Variants in ZNF618 observed in about 807,000 individuals in gnomAD.
ZNF618 encodes the protein zinc finger protein 618, also known as neural precursor cell expressed, developmentally down-regulated 10.
A neutral mutation model predicts 103.0 loss-of-function variants in ZNF618; 34 were observed. The ratio of observed to expected loss-of-function variants is 0.33; its 90% confidence interval spans 0.25 to 0.44. The LOEUF is 0.44. ZNF618 is among the 20% of genes least tolerant of loss of function. ZNF618 has a pLI of 1.00. For missense variants in ZNF618, 1,059 were observed against 1,295.4 expected (o/e 0.82, Z 2.80); for synonymous variants, 551 against 542.2 (o/e 1.02, Z -0.23).
chr9:113,971,955 G>A (rs1004829838), intron 2 of ZNF618, among the ~76,000 whole-genome samples: 2 of 152,180 alleles, frequency 1.3e-5, no homozygotes, highest in Middle Eastern at 3.2e-3. Context: ...GTGGCTTAAG[G>A]TGTAAAAACA....
At chr9:113,877,548 T>G (rs1828073385) in intron 1 of ZNF618, among the ~76,000 whole-genome samples, 1 of 152,072 alleles carries the variant, frequency 6.6e-6, no homozygotes, top group Admixed American at 6.5e-5. Context: ...AATTTTGCAT[T>G]TACATTTTAC....
intron 1 of ZNF618, among the ~76,000 whole-genome samples, chr9:113,899,544 C>T (rs1225367260): frequency 6.6e-6 from 1 of 152,154 alleles, no homozygotes; most frequent in Non-Finnish European, 1.5e-5. Flanking sequence ...ATCTTGGTTG[C>T]GCTCCTTAGG....
intron 3 of ZNF618, among the ~76,000 whole-genome samples, chr9:113,997,473 T>C (rs1401650035): frequency 6.6e-6 from 1 of 152,200 alleles, no homozygotes; most frequent in South Asian, 2.1e-4. Context: ...CTGACCGACC[T>C]CTGGTGCTAT....
intron 12 of ZNF618, 86 bp downstream of exon 12, chr9:114,032,814 G>C (rs1019448591): frequency 8.1e-7 from 1 of 1,236,918 alleles, no homozygotes; most frequent in Admixed American, 1.7e-5. Flanking sequence ...CATCCTGTGG[G>C]CTGGGGTCTT....
At chr9:113,979,554 A>G (rs1838793069) in intron 2 of ZNF618, among the ~76,000 whole-genome samples, 1 of 152,260 alleles carries the variant, frequency 6.6e-6, no homozygotes, top group African/African-American at 2.4e-5. Context: ...CTGAATATTC[A>G]GTGAAGCAGG....
At chr9:113,990,788 G>A (rs770985412) in intron 3 of ZNF618, among the ~76,000 whole-genome samples, 1 of 152,324 alleles carries the variant, frequency 6.6e-6, no homozygotes, top group South Asian at 2.1e-4. Flanking sequence ...TGACAGAATA[G>A]GGGTGAACCA....
chr9:114,035,342 G>A (rs1351439746), intron 12 of ZNF618: 2 of 791,352 alleles, frequency 2.5e-6, no homozygotes, highest in Non-Finnish European at 3.1e-6. Flanking sequence ...GATGGGCCTT[G>A]GGCTGCCCTC....
At chr9:114,000,265 A>G (rs145080662) in intron 4 of ZNF618, among the ~76,000 whole-genome samples, 8 of 152,224 alleles carry the variant, frequency 5.3e-5, no homozygotes, top group African/African-American at 1.4e-4. Context: ...GACCTCAGTC[A>G]TGAATTGTAG....
intron 3 of ZNF618, among the ~76,000 whole-genome samples, chr9:113,989,176 C>T (rs953474226): frequency 6.6e-6 from 1 of 152,174 alleles, no homozygotes; most frequent in Non-Finnish European, 1.5e-5. Context: ...CCCATGAGGC[C>T]CAACAAATAT....
intron 6 of ZNF618, among the ~76,000 whole-genome samples, chr9:114,007,105 A>G (rs1029889292): frequency 1.3e-5 from 2 of 152,202 alleles, no homozygotes; most frequent in African/African-American, 4.8e-5. Flanking sequence ...CATGAGCATC[A>G]AGAGGCAAGG....
chr9:113,975,053 C>T (rs1047011532), intron 2 of ZNF618, among the ~76,000 whole-genome samples: 3 of 152,158 alleles, frequency 2.0e-5, no homozygotes, highest in African/African-American at 7.2e-5. Context: ...ATTTTTATTA[C>T]TACCATGGTG....
intron 10 of ZNF618, among the ~76,000 whole-genome samples, chr9:114,026,826 C>A (rs181627083): frequency 6.6e-6 from 1 of 152,248 alleles, no homozygotes; most frequent in East Asian, 1.9e-4. Context: ...CCCCGTGAGA[C>A]TTGCTATGTG....
chr9:113,964,212 ACCTCAGCCTCCCCGAG>A (rs1382495396), intron 1 of ZNF618, among the ~76,000 whole-genome samples: 1 of 152,048 alleles, frequency 6.6e-6, no homozygotes, highest in Non-Finnish European at 1.5e-5. Context: ...TTGTGGCAGC[ACCTCAGCCTCCCCGAG>A]CCTCAGGCTC....
In ZNF618 at chr9:114,050,324, G is replaced by T. The variant is rs1445643596; in HGVS notation, c.*157G>T. 18 of 833,224 alleles carry T rather than the reference G, an allele frequency of 2.2e-5. No individual in the cohort carries two copies. Among genetic ancestry groups the T allele is most frequent in the African/African-American group, 3.4e-5 (2 of 58,366 alleles). The allele number at this position is 833,224 out of a possible 1,614,324, so 51.6% of individuals were successfully genotyped here. A position where few individuals can be genotyped will look rare whatever the true frequency, so the allele number is the denominator to read the frequency against. The stretch of plus-strand genomic sequence containing the variant: ...TTAAGTGCTTTTTTTATATGTGTGT[G>T]TGTGCGTGTATGTACACAGCCACAC... On this transcript the variant is annotated 3_prime_UTR_variant, in exon 15 of 15. Transcript: ENST00000374126.
In ZNF618 at chr9:114,035,231, A is replaced by G. The variant is rs76281117; in HGVS notation, c.1169-1069A>G. ...TGATTTCCAACCCTTTCCCTCTCCT[A>G]CAGAGTAAGTGATGGTCCCGTTGGG... On this transcript the variant is annotated intron_variant, in intron 12 of 14. Coordinates refer to ENST00000374126, the MANE Select transcript of ZNF618 (RefSeq NM_001318042.2). The G allele has an allele frequency of 1.4e-4, 141 of 985,922 alleles. No individual in the cohort carries two copies. In the East Asian group the frequency reaches 7.5e-3, roughly 52 times the overall value. 61.1% of individuals were successfully genotyped at this position (985,922 alleles called of 1,614,324 possible). A position where few individuals can be genotyped will look rare whatever the true frequency, so the allele number is the denominator to read the frequency against.
At chr9:113,983,133 C>T (rs1212433859) in intron 2 of ZNF618, among the ~76,000 whole-genome samples, 1 of 152,020 alleles carries the variant, frequency 6.6e-6, no homozygotes, top group Non-Finnish European at 1.5e-5. Context: ...TGCTTTTTCA[C>T]TAATATACCT....
Position 113,953,014 on chromosome 9 carries a change from A to G in ZNF618, c.34-16103A>G, listed in dbSNP as rs146369069. Reference sequence around the variant, plus strand: ...CTGGCACATAATAGTATCTTAATACATACTAGCAGTCATATATCTATTGTG... The same window carrying G: ...CTGGCACATAATAGTATCTTAATACGTACTAGCAGTCATATATCTATTGTG... On this transcript the variant is annotated intron_variant, in intron 1 of 14. Coordinates refer to ENST00000374126, the MANE Select transcript of ZNF618 (RefSeq NM_001318042.2). Among the ~76,000 whole-genome samples the G allele has an allele frequency of 1.6e-3, 238 of 152,352 alleles. 1 individual carries two copies. The highest frequency in any genetic ancestry group is 4.7e-3 in the African/African-American group (194 of 41,580).
intron 1 of ZNF618, among the ~76,000 whole-genome samples, chr9:113,898,385 T>G (rs1011435176): frequency 6.6e-6 from 1 of 151,866 alleles, no homozygotes; most frequent in Admixed American, 6.6e-5. Context: ...ATGTTTGGCT[T>G]GGCCTGGTCT....
rs1475947519 is a variant in ZNF618 at position 113,988,656 on chromosome 9, C to T, written c.337+76C>T. 1.2e-5 allele frequency: 18 copies of T among 1,491,006 alleles called. No individual in the cohort carries two copies. In the African/African-American group the frequency reaches 2.3e-4, roughly 19 times the overall value. The allele number at this position is 1,491,006 out of a possible 1,614,324, so 92.4% of individuals were successfully genotyped here. Reference sequence around the variant, plus strand: ...AGTCAGAGTCCTGGGGAAAAGCGGCCTGGCGCCTCTGCCCCCTTCCTGGCT... The same window carrying T: ...AGTCAGAGTCCTGGGGAAAAGCGGCTTGGCGCCTCTGCCCCCTTCCTGGCT... On this transcript the variant is annotated intron_variant, in intron 3 of 14. Transcript: ENST00000374126.
Sources: gnomAD v4.1 joint callset for allele counts (sites outside exome capture counted in the v4.1 genomes callset) on GRCh38, gnomAD v4.1.1 for gene constraint, MANE v1.5 for transcripts, NCBI Gene and HGNC (gene_info 2026-07-23, HGNC 2026-07-21) for gene names.